Variants in ARFRP1 observed in about 807,000 individuals in gnomAD.
ARFRP1 encodes the protein ADP-ribosylation factor-related protein 1.
A neutral mutation model predicts 30.3 loss-of-function variants in ARFRP1; 19 were observed. The observed-to-expected ratio is 0.63, with a 90% CI of 0.44 to 0.92. The LOEUF is 0.92. Among genes scored for constraint, ARFRP1 ranks in the 40% least tolerant of loss-of-function variants. The pLI, the probability that ARFRP1 is intolerant of heterozygous loss-of-function variation, is 0.00. For synonymous variants in ARFRP1, 133 were observed against 114.2 expected (o/e 1.16, Z -1.05); for missense variants, 245 against 267.5 (o/e 0.92, Z 0.59).
Position 63,706,640 on chromosome 20 carries a change from G to C in ARFRP1, c.181+11C>G. On this transcript the variant is annotated intron_variant, in intron 3 of 7. Coordinates refer to ENST00000622789, the MANE Select transcript of ARFRP1 (RefSeq NM_001267547.3). ...GGCCCCAAACCCACAGCCTGCTATT[G>C]AGACCCTTACTGTTTAGGCCCACGG... 6.3e-7 allele frequency: 1 copy of C among 1,596,938 alleles called. No homozygotes were observed. Among genetic ancestry groups the C allele is most frequent in the Non-Finnish European group, 8.6e-7 (1 of 1,164,422 alleles).
intron 4 of ARFRP1, chr20:63,703,066 A>T (rs1421848196): frequency 6.6e-6 from 1 of 152,274 alleles, no homozygotes. Context: ...AAAAAAACAC[A>T]GCAAACTCCG....
intron 4 of ARFRP1, chr20:63,705,226 C>T (rs1488188236): frequency 6.3e-6 from 1 of 159,196 alleles, no homozygotes; most frequent in Non-Finnish European, 1.4e-5. Context: ...ATCACTTGGC[C>T]ATGGGAGAAA....
chr20:63,700,191 CGCCGCTGCGCCCTGTGGAAAGGCT>C lies in ARFRP1; in HGVS notation c.*228_*251del, dbSNP rs923570664. The C allele has an allele frequency of 4.5e-5, 24 of 531,094 alleles. No individual in the cohort carries two copies. Among genetic ancestry groups the C allele is most frequent in the Non-Finnish European group, 6.4e-5 (19 of 296,850 alleles). 32.9% of individuals were successfully genotyped at this position (531,094 alleles called of 1,614,324 possible). On this transcript the variant is annotated 3_prime_UTR_variant, in exon 8 of 8. Transcript: ENST00000622789. The stretch of plus-strand genomic sequence containing the variant: ...CCCCCCAGAAAGGGCCTCGAAAGGC[CGCCGCTGCGCCCTGTGGAAAGGCT>C]GCCGCTGCAGGGCCTGGGCCAGCCG...
chr20:63,707,605 G>A (rs535711122), intron 1 of ARFRP1: 2 of 153,256 alleles, frequency 1.3e-5, no homozygotes, highest in South Asian at 1.9e-4. Context: ...GGACGGCCCT[G>A]GGGGGAGCGG....
rs78286404 is a variant in ARFRP1, at chr20:63,699,543, G to A, written c.*900C>T. On this transcript the variant is annotated 3_prime_UTR_variant, in exon 8 of 8. Coordinates refer to ENST00000622789, the MANE Select transcript of ARFRP1 (RefSeq NM_001267547.3). ...GCCGTCTTTATTTTGCACTCACCCT[G>A]GGTGACACTGGGCAGGCCGCTCCTG... 3.2e-3 allele frequency: 495 copies of A among 152,596 alleles called. 5 individuals are homozygous for A. Among genetic ancestry groups the A allele is most frequent in the Non-Finnish European group, 4.8e-3 (324 of 68,174 alleles). 9.5% of individuals were successfully genotyped at this position (152,596 alleles called of 1,614,324 possible).
intron 4 of ARFRP1, 91 bp downstream of exon 4, chr20:63,706,266 G>A (rs557218899): frequency 1.6e-6 from 2 of 1,226,782 alleles, no homozygotes; most frequent in East Asian, 4.7e-5. Context: ...AGTGGGTAAG[G>A]AAAACTGCTG....
intron 4 of ARFRP1, chr20:63,705,560 A>C: frequency 2.1e-6 from 1 of 471,300 alleles, no homozygotes; most frequent in Admixed American, 2.3e-5. Context: ...AAAATAGGAG[A>C]CTGCCGCTGT....
In ARFRP1 at chr20:63,698,930, G is replaced by A. The variant is rs2091054538; in HGVS notation, c.*1513C>T. ...GGAGGGTATCATTGCTGGAAGAACAGGATGGGGCTCAGGCCAGCCCTAGTC... is the reference window on the plus strand; with the variant it reads ...GGAGGGTATCATTGCTGGAAGAACAAGATGGGGCTCAGGCCAGCCCTAGTC... On this transcript the variant is annotated 3_prime_UTR_variant, in exon 8 of 8. Transcript: ENST00000622789. 5.4e-6 allele frequency: 1 copy of A among 184,796 alleles called. No individual in the cohort carries two copies. Among genetic ancestry groups the A allele is most frequent in the African/African-American group, 2.3e-5 (1 of 42,708 alleles). 11.4% of individuals were successfully genotyped at this position (184,796 alleles called of 1,614,324 possible).
chr20:63,707,085 T>C lies in ARFRP1; in HGVS notation c.7A>G (p.Thr3Ala). MY[T>A]LLSGLYKYMF... ...TACTTGTACAAGCCCGACAGCAGCG[T>C]GTACATCCTGCCCTGGGCACCCCAA... The change falls in exon 2 of 8, where the codon ACG becomes GCG. Residue 3 changes from threonine to alanine, a missense_variant. Thr to Ala is a moderately conservative substitution (Grantham distance 58, BLOSUM62 0). Coordinates refer to ENST00000622789, the MANE Select transcript of ARFRP1 (RefSeq NM_001267547.3). 6.2e-7 allele frequency: 1 copy of C among 1,611,002 alleles called. No individual in the cohort carries two copies. The highest frequency in any genetic ancestry group is 2.2e-5 in the East Asian group (1 of 44,722).
intron 6 of ARFRP1, 119 bp downstream of exon 6, chr20:63,701,711 G>A: frequency 1.1e-6 from 1 of 925,078 alleles, no homozygotes; most frequent in Non-Finnish European, 1.7e-6. Context: ...CTTGAGAATG[G>A]CTCTGTACCC....
Position 63,700,490 on chromosome 20 carries a change from C to T in ARFRP1, c.559G>A (p.Val187Ile), listed in dbSNP as rs552866959. ...GGCGGCCGGTGCACATTCCGCACGA[C>T]ACACTTCACCATCCACTCGATGCCC... The part of the protein sequence containing the change: ...REGIEWMVKC[V>I]VRNVHRPPRQ... Residue 187 changes from valine to isoleucine, a missense_variant, in exon 8 of 8, where the codon GTC (valine) becomes ATC (isoleucine). Physicochemically the swap from Val to Ile is conservative, Grantham distance 29. Coordinates refer to ENST00000622789, the MANE Select transcript of ARFRP1 (RefSeq NM_001267547.3). The T allele has an allele frequency of 3.7e-6, 6 of 1,610,596 alleles. No individual in the cohort carries two copies. The African/African-American group carries it at 6.7e-5, about 18-fold the overall frequency.
chr20:63,701,741 T>C, intron 6 of ARFRP1, 89 bp downstream of exon 6: 1 of 1,250,582 alleles, frequency 8.0e-7, no homozygotes, highest in Non-Finnish European at 1.1e-6. Context: ...TCACTGGGCC[T>C]GGGGTGTCTG....
At chr20:63,706,101 T>C (rs2091448992) in intron 4 of ARFRP1, 2 of 447,266 alleles carry the variant, frequency 4.5e-6, no homozygotes, top group Admixed American at 3.4e-5. Context: ...ATTCTTTCCC[T>C]GGAATTCTCC....
At position 63,700,666 on chromosome 20, in the gene ARFRP1, T is replaced by C. The variant is rs1380413172; in HGVS notation, c.454A>G (p.Ser152Gly). The C allele has an allele frequency of 1.2e-6, 2 of 1,610,944 alleles. No individual in the cohort carries two copies. The highest frequency in any genetic ancestry group is 1.7e-6 in the Non-Finnish European group (2 of 1,179,846). The change falls in exon 7 of 8, where the codon AGC becomes GGC. Residue 152 changes from serine (S) to glycine (G), a missense_variant. Transcript: ENST00000622789. ...CTGCCGATCTTGCTGGTGCAGTCGC[T>C]GAAGGCCGTCTTGATGTCAGGGATT... Reference protein sequence around the residue: ...LSIPDIKTAFSDCTSKIGRRD... With the variant: ...LSIPDIKTAFGDCTSKIGRRD...
chr20:63,706,552 A>C, intron 3 of ARFRP1, 99 bp downstream of exon 3: 1 of 1,518,300 alleles, frequency 6.6e-7, no homozygotes, highest in Non-Finnish European at 9.1e-7. Flanking sequence ...ATGAGACTTG[A>C]GAGGGGCCCG....
At chr20:63,701,998 G>GACCCCCCCCC (rs2091229779) in intron 5 of ARFRP1, 98 bp from the exon 6 acceptor site, 15 of 585,728 alleles carry the variant, frequency 2.6e-5, no homozygotes, top group South Asian at 8.6e-5. Context: ...CACTCCCTCT[G>GACCCCCCCCC]CCCCCCCCCC....
chr20:63,701,315 T>C (rs757988811), intron 6 of ARFRP1: 2 of 532,464 alleles, frequency 3.8e-6, no homozygotes, highest in Non-Finnish European at 7.7e-6. Context: ...GGGCTGCTTC[T>C]GTGCAAAGCC....
At chr20:63,702,312 T>A (rs2091255997) in intron 4 of ARFRP1, 95 bp from the exon 5 acceptor site, 2 of 1,237,780 alleles carry the variant, frequency 1.6e-6, no homozygotes, top group Non-Finnish European at 2.3e-6. Context: ...GGGGCTCACA[T>A]GAGGAAGGGG....
intron 1 of ARFRP1, 193 bp downstream of exon 1, chr20:63,707,674 G>C (rs1474312519): frequency 6.6e-6 from 1 of 152,208 alleles, no homozygotes; most frequent in Non-Finnish European, 1.5e-5. Flanking sequence ...GAGGCGGCGC[G>C]CGGCTGGCAG....
Sources: allele counts gnomAD v4.1 joint callset, GRCh38; gene constraint gnomAD v4.1.1; transcripts MANE v1.5; gene names NCBI Gene and HGNC (gene_info 2026-07-23, HGNC 2026-07-21).